POPDC3: variants seen among roughly 807,000 people sequenced by gnomAD.
POPDC3 encodes popeye domain cAMP effector 3, also known as popeye domain-containing protein 3.
POPDC3 carries 20 observed loss-of-function variants against 28.2 expected under a neutral mutation model. That is an observed-to-expected ratio of 0.71 (90% CI 0.50 to 1.03). POPDC3 has a LOEUF of 1.03. Among genes scored for constraint, POPDC3 ranks in the 50% least tolerant of loss-of-function variants. POPDC3 has a pLI of 0.00. For missense variants in POPDC3, 316 were observed against 345.9 expected, an observed-to-expected ratio of 0.91 and a Z score of 0.69; for synonymous variants, 118 against 124.1, an observed-to-expected ratio of 0.95 and a Z score of 0.33.
intron 1 of POPDC3, among the ~76,000 whole-genome samples, chr6:105,178,105 C>A (rs1442311194): frequency 1.3e-5 from 2 of 152,138 alleles, no homozygotes; most frequent in Non-Finnish European, 2.9e-5. Context: ...GCTCATAATC[C>A]CAACTGACCA....
chr6:105,168,883 T>A (rs1360336515), intron 1 of POPDC3: 1 of 152,134 alleles, frequency 6.6e-6, no homozygotes, highest in East Asian at 1.9e-4. Flanking sequence ...TTAAAGAAGA[T>A]AACTGGGACT....
rs1774430234 is a variant in POPDC3, at chr6:105,165,084, G to C, written c.-251-2924C>G. ...GAGAAAAGAAGGGCACAGATTGGTT[G>C]AGTCTCTGGCTTCAGGTAAAACAGG... On this transcript the variant is annotated intron_variant, in intron 1 of 3. Coordinates refer to ENST00000254765, the MANE Select transcript of POPDC3 (RefSeq NM_022361.5). Among the ~76,000 whole-genome samples, 3 of 152,328 alleles carry C rather than the reference G, an allele frequency of 2.0e-5. No homozygotes were observed. In the South Asian group the frequency reaches 6.2e-4, roughly 32 times the overall value.
intron 1 of POPDC3, chr6:105,179,208 T>G: frequency 1.0e-6 from 1 of 985,420 alleles, no homozygotes. Context: ...AATTTCTTTT[T>G]TGGCAGGGGG....
In POPDC3 at chr6:105,158,575, G is replaced by C; in HGVS notation, c.771C>G (p.His257Gln). The change falls in exon 4 of 4, where the codon CAC becomes CAG. Residue 257 changes from histidine (H) to glutamine (Q), a missense_variant. By Grantham distance (24) the His-to-Gln change is conservative (BLOSUM62 0). Coordinates refer to ENST00000254765, the MANE Select transcript of POPDC3 (RefSeq NM_022361.5). The part of the protein sequence containing the change: ...NDRVYIGKRY[H>Q]YDIRLPNFYQ... ...AGAAGTTGGGTAGCCGAATATCATA[G>C]TGATATCTTTTTCCTATATATACCC... The C allele has an allele frequency of 1.2e-6, 2 of 1,614,094 alleles. No individual in the cohort carries two copies. The highest frequency in any genetic ancestry group is 1.1e-5 in the South Asian group (1 of 91,084).
chr6:105,166,567 T>A, intron 1 of POPDC3: 1 of 471,310 alleles, frequency 2.1e-6, no homozygotes, highest in Non-Finnish European at 4.4e-6. Context: ...CATTTCCTCT[T>A]CATGTGTTCT....
chr6:105,178,252 C>T (rs146414115), intron 1 of POPDC3, among the ~76,000 whole-genome samples: 176 of 152,302 alleles, frequency 1.2e-3, no homozygotes, highest in African/African-American at 3.8e-3. Context: ...GTAGCAAATG[C>T]TTCATAACAT....
chr6:105,179,505 T>C lies in POPDC3; in HGVS notation c.-252+328A>G, dbSNP rs956645606. ...CCTGCAGGAAAAGATCTGGGAGGAA[T>C]ATTCGCCCAGAAGCCTCTAGGGCAT... On this transcript the variant is annotated intron_variant, in intron 1 of 3. Transcript: ENST00000254765. Among the ~76,000 whole-genome samples the C allele has an allele frequency of 3.9e-5, 6 of 152,192 alleles. No individual in the cohort carries two copies. The East Asian group carries it at 1.2e-3, about 30-fold the overall frequency.
At chr6:105,164,986 C>T (rs1418028717) in intron 1 of POPDC3, among the ~76,000 whole-genome samples, 1 of 152,210 alleles carries the variant, frequency 6.6e-6, no homozygotes. Flanking sequence ...TTTATTGCAA[C>T]AGAACTTCTG....
chr6:105,160,258 GTGGAGTGCAGTGGCACAATCTGGGCTCCC>G (rs1482607205), intron 2 of POPDC3: 4 of 153,696 alleles, frequency 2.6e-5, no homozygotes, highest in Non-Finnish European at 5.8e-5. Context: ...GTCGCCCAGC[GTGGAGTGCAGTGGCACAATCTGGGCTCCC>G]TGCAACCTCC....
intron 1 of POPDC3, among the ~76,000 whole-genome samples, chr6:105,165,400 A>G (rs1263304256): frequency 1.3e-5 from 2 of 152,216 alleles, no homozygotes; most frequent in African/African-American, 2.4e-5. Flanking sequence ...TTCCTCTCCT[A>G]GACTGAAATT....
intron 1 of POPDC3, among the ~76,000 whole-genome samples, chr6:105,170,706 C>T (rs1774558587): frequency 6.6e-6 from 1 of 152,160 alleles, no homozygotes; most frequent in African/African-American, 2.4e-5. Context: ...ACAGTCACTG[C>T]ACTATACTAA....
intron 1 of POPDC3, among the ~76,000 whole-genome samples, chr6:105,167,767 A>G (rs1774487630): frequency 6.6e-6 from 1 of 151,840 alleles, no homozygotes; most frequent in South Asian, 2.1e-4. Context: ...AAAAAAAAGT[A>G]AAGAATATGT....
At chr6:105,165,140 C>T (rs1034399297) in intron 1 of POPDC3, among the ~76,000 whole-genome samples, 2 of 152,184 alleles carry the variant, frequency 1.3e-5, no homozygotes, top group Non-Finnish European at 2.9e-5. Flanking sequence ...TCCCGTCCGC[C>T]CCTCTTTAGA....
chr6:105,178,516 G>C (rs1231382511), intron 1 of POPDC3, among the ~76,000 whole-genome samples: 1 of 151,632 alleles, frequency 6.6e-6, no homozygotes, highest in East Asian at 1.9e-4. Context: ...TTTGAGGACA[G>C]AGAATATCTT....
chr6:105,169,236 GAC>G (rs1001801817), intron 1 of POPDC3: 1 of 152,148 alleles, frequency 6.6e-6, no homozygotes, highest in Non-Finnish European at 1.5e-5. Flanking sequence ...TGAAGCTGAA[GAC>G]ACTCAATCCT....
intron 1 of POPDC3, among the ~76,000 whole-genome samples, chr6:105,168,556 G>A (rs551791917): frequency 6.6e-6 from 1 of 152,158 alleles, no homozygotes; most frequent in Non-Finnish European, 1.5e-5. Context: ...ACAGTGGTAG[G>A]CAGAATTCTA....
chr6:105,172,986 T>C (rs540002084), intron 1 of POPDC3, among the ~76,000 whole-genome samples: 56 of 152,218 alleles, frequency 3.7e-4, no homozygotes, highest in Non-Finnish European at 7.1e-4. Context: ...TGTATACATA[T>C]GTAAAAAACC....
chr6:105,159,860 A>C (rs1774281841), intron 2 of POPDC3, 41 bp from the exon 3 acceptor site: 1 of 1,377,998 alleles, frequency 7.3e-7, no homozygotes. Flanking sequence ...GGAAGGAGAA[A>C]GAGAGCACAT....
At position 105,158,582 on chromosome 6, in the gene POPDC3, C is replaced by G. The variant is rs202208117; in HGVS notation, c.764G>C (p.Arg255Thr). ...GGGTAGCCGAATATCATAGTGATAT[C>G]TTTTTCCTATATATACCCTGTCATT... ...ALNDRVYIGK[R>T]YHYDIRLPNF... is the part of the protein sequence containing the mutation. The change falls in exon 4 of 4, where the codon AGA (arginine) becomes ACA (threonine). Residue 255 changes from arginine (R) to threonine (T), a missense_variant. Arg to Thr is a moderately conservative substitution (Grantham distance 71). Transcript: ENST00000254765. The G allele has an allele frequency of 6.2e-7, 1 of 1,614,058 alleles. No individual in the cohort carries two copies. The highest frequency in any genetic ancestry group is 1.7e-5 in the Admixed American group (1 of 60,014).
Sources: allele counts gnomAD v4.1 joint callset (sites outside exome capture counted in the v4.1 genomes callset), GRCh38; gene constraint gnomAD v4.1.1; transcripts MANE v1.5; gene names NCBI Gene and HGNC (gene_info 2026-07-23, HGNC 2026-07-21).